Variants in PARP8 observed in about 807,000 individuals in gnomAD.
PARP8 encodes the protein protein mono-ADP-ribosyltransferase PARP8.
PARP8 carries 51 observed loss-of-function variants against 124.1 expected under a neutral mutation model. The observed-to-expected ratio is 0.41, with a 90% CI of 0.33 to 0.52. The LOEUF (loss-of-function observed/expected upper bound fraction) is 0.52. PARP8 is among the 20% of genes least tolerant of loss of function. The pLI, the probability that PARP8 is intolerant of heterozygous loss-of-function variation, is 0.21. For missense variants in PARP8, 860 were observed against 1,018.9 expected (o/e 0.84, Z 2.12); for synonymous variants, 391 against 361.5 (o/e 1.08, Z -0.93).
At chr5:50,802,221 T>C (rs576133441) in intron 14 of PARP8, among the ~76,000 whole-genome samples, 1 of 152,312 alleles carries the variant, frequency 6.6e-6, no homozygotes, top group African/African-American at 2.4e-5. Flanking sequence ...TTAATTCCCA[T>C]GTTGTAGCTT....
intron 2 of PARP8, among the ~76,000 whole-genome samples, chr5:50,731,262 T>C (rs1164242691): frequency 6.6e-6 from 1 of 152,216 alleles, no homozygotes; most frequent in Non-Finnish European, 1.5e-5. Flanking sequence ...ATTTCCAAAA[T>C]TTTTATTCTT....
intron 10 of PARP8, among the ~76,000 whole-genome samples, chr5:50,792,375 G>A (rs1324364945): frequency 5.9e-5 from 9 of 152,062 alleles, no homozygotes; most frequent in South Asian, 4.1e-4. Flanking sequence ...GGACAACTAG[G>A]TACCTGGGTA....
At chr5:50,728,447 T>C (rs1756647947) in intron 2 of PARP8, among the ~76,000 whole-genome samples, 1 of 152,172 alleles carries the variant, frequency 6.6e-6, no homozygotes, top group Non-Finnish European at 1.5e-5. Context: ...TTTTTTTGTC[T>C]CTATGACATT....
At chr5:50,699,299 C>T (rs1753348508) in intron 2 of PARP8, among the ~76,000 whole-genome samples, 1 of 152,204 alleles carries the variant, frequency 6.6e-6, no homozygotes, top group African/African-American at 2.4e-5. Flanking sequence ...TTCATTGACT[C>T]TTTGGATTTC....
intron 2 of PARP8, among the ~76,000 whole-genome samples, chr5:50,742,171 A>G (rs945050791): frequency 1.3e-5 from 2 of 152,192 alleles, no homozygotes; most frequent in Non-Finnish European, 2.9e-5. Context: ...GGTTCCGAAT[A>G]AGGGAGGGGG....
rs199809009 is a variant in PARP8, at chr5:50,797,175, A to G, written c.1517A>G (p.Asn506Ser). Residue 506 changes from asparagine (N) to serine (S), a missense_variant, in exon 14 of 26, where the codon AAT becomes AGT. Around this residue, in one of 2 missense-constraint regions of PARP8, gnomAD observed 343 missense variants for 474.7 expected, o/e 0.72. Transcript: ENST00000281631. ...GCTGAACAGCGGATCCCTGTATTAAATGAATATTGTGTGGTTTGTGATGAG... is the reference window on the plus strand; with the variant it reads ...GCTGAACAGCGGATCCCTGTATTAAGTGAATATTGTGTGGTTTGTGATGAG... Reference protein sequence around the residue: ...EFAEQRIPVLNEYCVVCDEPH... With the variant: ...EFAEQRIPVLSEYCVVCDEPH... 5.9e-5 allele frequency: 95 copies of G among 1,613,290 alleles called. No individual in the cohort carries two copies. In the Admixed American group the frequency reaches 1.5e-3, roughly 25 times the overall value.
At chr5:50,808,025 G>A (rs957547607) in intron 14 of PARP8, among the ~76,000 whole-genome samples, 1 of 151,810 alleles carries the variant, frequency 6.6e-6, no homozygotes, top group African/African-American at 2.4e-5. Flanking sequence ...TGTGTATCCG[G>A]CATTAAGCAG....
intron 12 of PARP8, among the ~76,000 whole-genome samples, chr5:50,796,474 C>T (rs1742571335): frequency 6.6e-6 from 1 of 152,060 alleles, no homozygotes; most frequent in Admixed American, 6.5e-5. Context: ...GGAATGTTTC[C>T]CATGTTAGCT....
At chr5:50,712,199 G>A in intron 2 of PARP8, among the ~76,000 whole-genome samples, 1 of 152,124 alleles carries the variant, frequency 6.6e-6, no homozygotes, top group East Asian at 1.9e-4. Context: ...AGCATATGCT[G>A]ACCTTTGGCT....
chr5:50,822,518 A>G, intron 17 of PARP8, 118 bp downstream of exon 17: 1 of 748,248 alleles, frequency 1.3e-6, no homozygotes, highest in South Asian at 1.8e-5. Flanking sequence ...TGCGGTATTA[A>G]GATGTTTTAA....
chr5:50,750,564 G>T (rs1580199007), intron 3 of PARP8, among the ~76,000 whole-genome samples: 2 of 152,150 alleles, frequency 1.3e-5, no homozygotes, highest in East Asian at 3.9e-4. Context: ...TTCTAAGTGT[G>T]TGTGTGTATC....
chr5:50,667,753 C>T (rs1354309610), intron 1 of PARP8: 16 of 719,066 alleles, frequency 2.2e-5, no homozygotes, highest in Non-Finnish European at 3.2e-5. Flanking sequence ...GGTCGCCTTT[C>T]GTCCATTTTG....
intron 7 of PARP8, among the ~76,000 whole-genome samples, chr5:50,763,966 A>G (rs1281231364): frequency 6.6e-6 from 1 of 152,012 alleles, no homozygotes; most frequent in African/African-American, 2.4e-5. Context: ...GACTACCCAG[A>G]TATGTCATAT....
At chr5:50,775,074 T>C (rs1198197826) in intron 7 of PARP8, among the ~76,000 whole-genome samples, 5 of 125,258 alleles carry the variant, frequency 4.0e-5, no homozygotes, top group African/African-American at 1.2e-4. Context: ...ACTTCCCAGA[T>C]GGGGCGGCCT....
chr5:50,825,871 T>G (rs1259005106), intron 18 of PARP8, among the ~76,000 whole-genome samples: 1 of 152,168 alleles, frequency 6.6e-6, no homozygotes, highest in Non-Finnish European at 1.5e-5. Context: ...TTACTTAACT[T>G]TCACTTCATT....
intron 14 of PARP8, among the ~76,000 whole-genome samples, chr5:50,800,128 G>C (rs26066): frequency 6.6e-6 from 1 of 151,960 alleles, no homozygotes; most frequent in Non-Finnish European, 1.5e-5. Flanking sequence ...CTATTTTGTA[G>C]TTTTCAGCAT....
intron 2 of PARP8, among the ~76,000 whole-genome samples, chr5:50,691,539 A>C (rs1292760479): frequency 1.3e-5 from 2 of 152,168 alleles, no homozygotes; most frequent in Non-Finnish European, 2.9e-5. Context: ...AGTGTAATTT[A>C]ATGACACCTT....
At chr5:50,835,587 A>G (rs1166713166) in intron 25 of PARP8, among the ~76,000 whole-genome samples, 1 of 152,138 alleles carries the variant, frequency 6.6e-6, no homozygotes, top group East Asian at 1.9e-4. Context: ...CTCTCTAGCC[A>G]TCTCTCTGTA....
At chr5:50,712,574 C>A (rs578024436) in intron 2 of PARP8, among the ~76,000 whole-genome samples, 1 of 152,274 alleles carries the variant, frequency 6.6e-6, no homozygotes, top group African/African-American at 2.4e-5. Flanking sequence ...ATGATTTCCT[C>A]ATTTACTCAT....
Sources: allele counts gnomAD v4.1 joint callset (sites outside exome capture counted in the v4.1 genomes callset), GRCh38; gene constraint gnomAD v4.1.1; regional missense constraint gnomAD v4.1.1; transcripts MANE v1.5; gene names NCBI Gene and HGNC (gene_info 2026-07-23, HGNC 2026-07-21).